The following MRPL32 variants were observed in gnomAD, a reference collection of about 807,000 sequenced individuals.
MRPL32 encodes the protein mitochondrial ribosomal protein L32.
In MRPL32, 14 loss-of-function variants were observed where a neutral mutation model predicts 21.7. That is an observed-to-expected ratio of 0.64 (90% CI 0.43 to 1.01). The LOEUF (loss-of-function observed/expected upper bound fraction) is 1.01. MRPL32 is among the 50% of genes least tolerant of loss of function. The probability of loss-of-function intolerance (pLI) is 0.00; values close to 1 mark genes in which losing one functional copy is unlikely to be tolerated. For missense variants in MRPL32, 211 were observed against 235.9 expected, an observed-to-expected ratio of 0.89 and a Z score of 0.69; for synonymous variants, 83 against 87.7, an observed-to-expected ratio of 0.95 and a Z score of 0.30.
chr7:42,935,319 C>T, intron 2 of MRPL32, 183 bp downstream of exon 2: 2 of 507,916 alleles, frequency 3.9e-6, no homozygotes, highest in East Asian at 3.3e-5. Context: ...CTGCTGTCCT[C>T]TAGCCTGAGT....
chr7:42,937,215 G>A lies in MRPL32; in HGVS notation c.313-107G>A, dbSNP rs865978729. 3 of 1,599,528 alleles carry A rather than the reference G, an allele frequency of 1.9e-6. No homozygotes were observed. In the Middle Eastern group the frequency reaches 5.0e-4, roughly 265 times the overall value. The stretch of plus-strand genomic sequence containing the variant: ...AGATGGTGTATGATGACCTCATGTA[G>A]CCTGAACATCCTAAGAAAGTTAAAA... On this transcript the variant is annotated intron_variant, in intron 2 of 2. Transcript: ENST00000223324.
intron 2 of MRPL32, chr7:42,935,572 A>G (rs1476123192): frequency 6.5e-6 from 1 of 153,448 alleles, no homozygotes; most frequent in African/African-American, 2.4e-5. Context: ...ATCATTTCCA[A>G]CAAAATACCA....
chr7:42,935,228 A>C (rs601057), intron 2 of MRPL32, 92 bp downstream of exon 2: 933,257 of 1,068,790 alleles, frequency 0.87, 408,061 homozygotes, highest in East Asian at 0.93. Context: ...ATAAATTATT[A>C]TCAGATTATA....
chr7:42,933,269 G>A (rs989917752), intron 1 of MRPL32, among the ~76,000 whole-genome samples: 19 of 152,242 alleles, frequency 1.2e-4, no homozygotes, highest in Admixed American at 1.3e-4. Context: ...TAAAGGGGGG[G>A]CCGAGGTCAT....
At chr7:42,935,260 T>A in intron 2 of MRPL32, 124 bp downstream of exon 2, 3 of 775,086 alleles carry the variant, frequency 3.9e-6, no homozygotes, top group Non-Finnish European at 6.1e-6. Flanking sequence ...TCCTCTGGCC[T>A]AAATGAAATA....
rs1786452042 is a variant in MRPL32, at chr7:42,937,693, C to G, written c.*117C>G. On this transcript the variant is annotated 3_prime_UTR_variant, in exon 3 of 3. Coordinates refer to ENST00000223324, the MANE Select transcript of MRPL32 (RefSeq NM_031903.3). ...ATCAGTATAGTTTAACACATTCTTT[C>G]TAAGCAGTTTTGTGTGGGATAATTT... 1.7e-6 allele frequency: 2 copies of G among 1,144,764 alleles called. No individual in the cohort carries two copies. Among genetic ancestry groups the G allele is most frequent in the Non-Finnish European group, 2.4e-6 (2 of 839,550 alleles). 70.9% of individuals were successfully genotyped at this position (1,144,764 alleles called of 1,614,324 possible).
In MRPL32 at chr7:42,932,508, C is replaced by T. The variant is rs1441214242; in HGVS notation, c.122C>T (p.Pro41Leu). 7 of 1,605,350 alleles carry T rather than the reference C, an allele frequency of 4.4e-6. No homozygotes were observed. Among genetic ancestry groups the T allele is most frequent in the Admixed American group, 3.4e-5 (2 of 59,504 alleles). Reference protein sequence around the residue: ...LPQSRPGFPSPPWGPALAVQG... With the variant: ...LPQSRPGFPSLPWGPALAVQG... Reference sequence around the variant, plus strand: ...CAGAGCCGGCCGGGCTTTCCCAGTCCTCCGTGGGGTAGGTAAAGAAGGGCT... The same window carrying T: ...CAGAGCCGGCCGGGCTTTCCCAGTCTTCCGTGGGGTAGGTAAAGAAGGGCT... The change falls in exon 1 of 3, where the codon CCT becomes CTT. Residue 41 changes from proline (P) to leucine (L), a missense_variant. Pro to Leu is a moderately conservative substitution (Grantham distance 98). This residue lies in a region of MRPL32 where 81 missense variants were observed against 55.8 expected (regional missense o/e 1.45). Transcript: ENST00000223324.
chr7:42,932,589 C>T (rs935882559), intron 1 of MRPL32, 73 bp downstream of exon 1: 1 of 1,462,468 alleles, frequency 6.8e-7, no homozygotes, highest in Admixed American at 2.5e-5. Context: ...ACGCAGCTTA[C>T]ACAGTTCGCC....
At position 42,932,407 on chromosome 7, in the gene MRPL32, C is replaced by A; in HGVS notation, c.21C>A (p.Val7=). MALAML[V]LVVSPWSAAR... ...GGAAAATGGCGCTGGCCATGCTGGT[C>A]TTGGTGGTTTCGCCGTGGTCTGCGG... The change falls in exon 1 of 3, where the codon GTC becomes GTA. Residue 7 remains valine (V), a synonymous_variant. Coordinates refer to ENST00000223324, the MANE Select transcript of MRPL32 (RefSeq NM_031903.3). The A allele has an allele frequency of 6.2e-7, 1 of 1,611,496 alleles. No homozygotes were observed. The highest frequency in any genetic ancestry group is 8.5e-7 in the Non-Finnish European group (1 of 1,178,422).
intron 1 of MRPL32, among the ~76,000 whole-genome samples, chr7:42,933,486 C>G (rs1024599152): frequency 2.6e-5 from 4 of 151,558 alleles, no homozygotes; most frequent in Admixed American, 6.6e-5. Flanking sequence ...CTCCTCTTCC[C>G]TTCCCTTCCC....
intron 2 of MRPL32, 151 bp downstream of exon 2, chr7:42,935,287 T>C (rs1786407171): frequency 6.3e-6 from 4 of 637,262 alleles, no homozygotes; most frequent in Non-Finnish European, 7.9e-6. Context: ...TCTCATTATA[T>C]ACATAATGAG....
Position 42,935,111 on chromosome 7 carries a change from A to G in MRPL32, c.287A>G (p.Asn96Ser), listed in dbSNP as rs759120244. ...TIEVNRCRRR[N>S]PQKLIKVKNN... is the part of the protein sequence containing the mutation. ...GAAGTTAACCGGTGTAGGAGAAGAAATCCGCAGAAGCTTATTAAAGTTAAG... is the reference window on the plus strand; with the variant it reads ...GAAGTTAACCGGTGTAGGAGAAGAAGTCCGCAGAAGCTTATTAAAGTTAAG... Residue 96 changes from asparagine to serine, a missense_variant, in exon 2 of 3, where the codon AAT becomes AGT. Coordinates refer to ENST00000223324, the MANE Select transcript of MRPL32 (RefSeq NM_031903.3). 1 of 1,611,866 alleles carries G rather than the reference A, an allele frequency of 6.2e-7. No individual in the cohort carries two copies. The highest frequency in any genetic ancestry group is 8.5e-7 in the Non-Finnish European group (1 of 1,179,494).
intron 2 of MRPL32, chr7:42,935,414 T>G: frequency 3.8e-6 from 1 of 263,292 alleles, no homozygotes; most frequent in Non-Finnish European, 7.2e-6. Flanking sequence ...TTCTGAATTG[T>G]GAGCTGTGTC....
At chr7:42,934,866 G>T in intron 1 of MRPL32, 89 bp from the exon 2 acceptor site, 1 of 1,001,526 alleles carries the variant, frequency 1.0e-6, no homozygotes, top group South Asian at 2.1e-5. Context: ...GTGTATGTTT[G>T]ACCATTGATT....
chr7:42,936,381 T>A (rs1234074098), intron 2 of MRPL32: 9 of 152,198 alleles, frequency 5.9e-5, no homozygotes, highest in African/African-American at 2.2e-4. Flanking sequence ...TGTGGGTGTC[T>A]TCATACCTTC....
intron 2 of MRPL32, chr7:42,937,013 T>C: frequency 2.5e-6 from 1 of 404,120 alleles, no homozygotes; most frequent in Non-Finnish European, 4.7e-6. Context: ...TTATTTGATA[T>C]TTAGTATTTG....
At chr7:42,936,718 A>G (rs892324065) in intron 2 of MRPL32, 3 of 158,350 alleles carry the variant, frequency 1.9e-5, no homozygotes, top group African/African-American at 4.9e-5. Context: ...ACACATATAT[A>G]TATCATTAAA....
chr7:42,936,421 T>C (rs1475928178), intron 2 of MRPL32: 1 of 152,158 alleles, frequency 6.6e-6, no homozygotes. Context: ...TTTCCAGTAG[T>C]GGAGCAAAAT....
rs1275793921 is a variant in MRPL32 at position 42,937,476 on chromosome 7, CTG to C, written c.470_471del (p.Val157GlyfsTer10). On this transcript the variant is annotated frameshift_variant, in exon 3 of 3. Transcript: ENST00000223324. LOFTEE classifies it high-confidence loss of function. ...CCTTTTAAGGCTCCCACCATAGAGACTGTGGTGCTGTACACGGGAGAGACACC... is the reference window on the plus strand; with the variant it reads ...CCTTTTAAGGCTCCCACCATAGAGACTGGTGCTGTACACGGGAGAGACACC... 6.2e-7 allele frequency: 1 copy of C among 1,614,068 alleles called. No individual in the cohort carries two copies. The highest frequency in any genetic ancestry group is 8.5e-7 in the Non-Finnish European group (1 of 1,180,016).
Sources: allele counts gnomAD v4.1 joint callset (sites outside exome capture counted in the v4.1 genomes callset), GRCh38; gene constraint gnomAD v4.1.1; regional missense constraint gnomAD v4.1.1; transcripts MANE v1.5; gene names NCBI Gene and HGNC (gene_info 2026-07-23, HGNC 2026-07-21).